NUP155: variants seen among roughly 807,000 people sequenced by gnomAD.
NUP155 encodes nucleoporin 155.
A neutral mutation model predicts 180.4 loss-of-function variants in NUP155; 71 were observed. The observed-to-expected ratio is 0.39, with a 90% confidence interval of 0.33 to 0.48. The LOEUF (loss-of-function observed/expected upper bound fraction) is 0.48. Among genes scored for constraint, NUP155 ranks in the 20% least tolerant of loss-of-function variants. The pLI, the probability that NUP155 is intolerant of heterozygous loss-of-function variation, is 0.91. For missense variants in NUP155, 1,553 were observed against 1,648.9 expected, an observed-to-expected ratio of 0.94 and a Z score of 1.01; for synonymous variants, 582 against 559.5, an observed-to-expected ratio of 1.04 and a Z score of -0.57.
intron 9 of NUP155, among the ~76,000 whole-genome samples, chr5:37,344,358 A>G (rs915025524): frequency 4.0e-5 from 6 of 150,186 alleles, no homozygotes; most frequent in African/African-American, 7.3e-5. Context: ...AAAAAAAAAA[A>G]AAAGAAAGAA....
chr5:37,341,738 C>T (rs1433940467), intron 10 of NUP155, among the ~76,000 whole-genome samples: 2 of 152,098 alleles, frequency 1.3e-5, no homozygotes, highest in Non-Finnish European at 2.9e-5. Context: ...GATGGGGTTT[C>T]ACCGTGTTAG....
intron 13 of NUP155, 47 bp downstream of exon 13, chr5:37,333,411 AATATT>A: frequency 6.6e-7 from 1 of 1,517,346 alleles, no homozygotes; most frequent in Non-Finnish European, 9.2e-7. Context: ...ACTTGACAAA[AATATT>A]ATACATCGCT....
chr5:37,371,001 T>A lies in NUP155; in HGVS notation c.-24A>T, dbSNP rs775111788. 6 of 1,612,000 alleles carry A rather than the reference T, an allele frequency of 3.7e-6. No homozygotes were observed. Among genetic ancestry groups the A allele is most frequent in the Non-Finnish European group, 5.1e-6 (6 of 1,179,204 alleles). On this transcript the variant is annotated 5_prime_UTR_variant, in exon 1 of 35. Coordinates refer to ENST00000231498, the MANE Select transcript of NUP155 (RefSeq NM_153485.3). ...ATCTCGGAAATCGTAGACACCAGGG[T>A]CCAGAAAAAGTCAAAAACCAAGGAG... is the stretch of plus-strand genomic sequence containing the variant.
chr5:37,357,064 G>A (rs931283123), intron 4 of NUP155, among the ~76,000 whole-genome samples: 10 of 151,964 alleles, frequency 6.6e-5, no homozygotes, highest in Non-Finnish European at 1.3e-4. Flanking sequence ...CGGAGATCAC[G>A]CCACTGCACT....
rs556030197 is a variant in NUP155 at position 37,295,193 on chromosome 5, C to T, written c.3794-728G>A. On this transcript the variant is annotated intron_variant, in intron 32 of 34. Transcript: ENST00000231498. ...TGCCGAGTGCCTGCGATTGCAGGTG[C>T]GCGCCGCCACGCCTGACTGGTTTTC... Among the ~76,000 whole-genome samples the T allele has an allele frequency of 4.3e-4, 66 of 152,250 alleles. No homozygotes were observed. In the East Asian group the frequency reaches 0.012, roughly 27 times the overall value.
intron 3 of NUP155, among the ~76,000 whole-genome samples, chr5:37,358,787 G>A (rs887070157): frequency 6.6e-6 from 1 of 152,156 alleles, no homozygotes; most frequent in Non-Finnish European, 1.5e-5. Flanking sequence ...GGGAGGCCGG[G>A]GTGGGCGAAT....
At chr5:37,370,670 A>G in intron 1 of NUP155, 151 bp downstream of exon 1, 1 of 1,599,812 alleles carries the variant, frequency 6.3e-7, no homozygotes, top group Non-Finnish European at 8.5e-7. Context: ...AAAAACCTGA[A>G]AAGAAGCTGC....
intron 15 of NUP155, 61 bp from the exon 16 acceptor site, chr5:37,329,339 G>A (rs1744810025): frequency 1.5e-6 from 2 of 1,339,790 alleles, no homozygotes; most frequent in Admixed American, 1.7e-5. Context: ...CTTAAAAACT[G>A]GAATTGTTCC....
intron 3 of NUP155, among the ~76,000 whole-genome samples, chr5:37,358,947 G>A (rs1449752650): frequency 1.3e-5 from 2 of 150,150 alleles, no homozygotes; most frequent in Non-Finnish European, 3.0e-5. Context: ...AACCCGGGAG[G>A]CAGAGTTGCA....
At chr5:37,298,000 G>A (rs1742678900) in intron 32 of NUP155, among the ~76,000 whole-genome samples, 1 of 151,768 alleles carries the variant, frequency 6.6e-6, no homozygotes, top group Admixed American at 6.6e-5. Context: ...CACCTTGGGA[G>A]GCCAAGGCAA....
intron 3 of NUP155, 90 bp from the exon 4 acceptor site, chr5:37,358,241 G>T: frequency 1.1e-6 from 1 of 903,366 alleles, no homozygotes; most frequent in East Asian, 2.5e-5. Flanking sequence ...TACTTTGGGA[G>T]TCTGAGGCAG....
In NUP155 at chr5:37,364,381, T is replaced by A. The variant is rs1188246259; in HGVS notation, c.161A>T (p.Asn54Ile). Reference protein sequence around the residue: ...SELLMVSAPNNPTVSGMSDMD... With the variant: ...SELLMVSAPNIPTVSGMSDMD... Reference sequence around the variant, plus strand: ...ATCTGACATGCCAGAAACGGTGGGATTATCTACAAAAAGAAAATGAAGTAT... The same window carrying A: ...ATCTGACATGCCAGAAACGGTGGGAATATCTACAAAAAGAAAATGAAGTAT... Residue 54 changes from asparagine (N) to isoleucine (I), a missense_variant, in exon 2 of 35, where the codon AAT (asparagine) becomes ATT (isoleucine). By Grantham distance (149) the Asn-to-Ile change is moderately radical (BLOSUM62 -3). Coordinates refer to ENST00000231498, the MANE Select transcript of NUP155 (RefSeq NM_153485.3). 3 of 1,612,092 alleles carry A rather than the reference T, an allele frequency of 1.9e-6. No individual in the cohort carries two copies. Among genetic ancestry groups the A allele is most frequent in the Non-Finnish European group, 2.5e-6 (3 of 1,178,208 alleles).
chr5:37,318,951 T>C lies in NUP155; in HGVS notation c.2208-866A>G, dbSNP rs186879361. On this transcript the variant is annotated intron_variant, in intron 20 of 34. Coordinates refer to ENST00000231498, the MANE Select transcript of NUP155 (RefSeq NM_153485.3). ...ACTTTGGGAAGAAAATGGTGCAAAA[T>C]GTATACGAAGATCTGAGAAATGGTC... Among the ~76,000 whole-genome samples the C allele has an allele frequency of 7.0e-3, 1,060 of 152,264 alleles. 10 individuals carry two copies. The highest frequency in any genetic ancestry group is 0.024 in the African/African-American group (996 of 41,542).
chr5:37,357,722 G>C (rs549963625), intron 4 of NUP155, among the ~76,000 whole-genome samples: 1 of 152,168 alleles, frequency 6.6e-6, no homozygotes, highest in Non-Finnish European at 1.5e-5. Flanking sequence ...AGCCAGGCGC[G>C]GTGGCTTACA....
Position 37,303,433 on chromosome 5 carries a change from T to C in NUP155, c.3163-19A>G. ...AAGCAACCTAGAAATTATATAGTTATTCAGAAAAATTTTCTAACCACCTAC... is the reference window on the plus strand; with the variant it reads ...AAGCAACCTAGAAATTATATAGTTACTCAGAAAAATTTTCTAACCACCTAC... On this transcript the variant is annotated intron_variant, in intron 27 of 34. Coordinates refer to ENST00000231498, the MANE Select transcript of NUP155 (RefSeq NM_153485.3). 1 of 1,610,868 alleles carries C rather than the reference T, an allele frequency of 6.2e-7. No homozygotes were observed. The highest frequency in any genetic ancestry group is 8.5e-7 in the Non-Finnish European group (1 of 1,177,712).
chr5:37,348,159 C>A (rs1009932137), intron 9 of NUP155, among the ~76,000 whole-genome samples: 3 of 151,926 alleles, frequency 2.0e-5, no homozygotes, highest in African/African-American at 7.3e-5. Flanking sequence ...TAAAAATTAG[C>A]CAGGCATGGT....
intron 4 of NUP155, among the ~76,000 whole-genome samples, chr5:37,353,564 A>AGAGT (rs1162152518): frequency 3.9e-5 from 6 of 152,194 alleles, no homozygotes; most frequent in African/African-American, 1.4e-4. Context: ...TCTGGACGAC[A>AGAGT]GAGTGAGACT....
At position 37,303,392 on chromosome 5, in the gene NUP155, G is replaced by A; in HGVS notation, c.3185C>T (p.Pro1062Leu). 6.2e-7 allele frequency: 1 copy of A among 1,614,024 alleles called. No individual in the cohort carries two copies. The highest frequency in any genetic ancestry group is 1.1e-5 in the South Asian group (1 of 91,070). The change falls in exon 28 of 35, where the codon CCA becomes CTA. Residue 1062 changes from proline to leucine, a missense_variant. By Grantham distance (98) the Pro-to-Leu change is moderately conservative. Coordinates refer to ENST00000231498, the MANE Select transcript of NUP155 (RefSeq NM_153485.3). The part of the protein sequence containing the change: ...LLQVASPFLE[P>L]HLVRMAKVDQ... ...AACTTTGGCCATTCGGACTAGATGT[G>A]GCTCCAGAAATGGAGAAGCAACCTA...
rs138548491 is a variant in NUP155, at chr5:37,303,391, T to G, written c.3186A>C (p.Pro1062=). 2.4e-5 allele frequency: 39 copies of G among 1,614,128 alleles called. No homozygotes were observed. Among genetic ancestry groups the G allele is most frequent in the Non-Finnish European group, 3.3e-5 (39 of 1,179,980 alleles). ...LLQVASPFLE[P]HLVRMAKVDQ... ...CAACTTTGGCCATTCGGACTAGATGTGGCTCCAGAAATGGAGAAGCAACCT... is the reference window on the plus strand; with the variant it reads ...CAACTTTGGCCATTCGGACTAGATGGGGCTCCAGAAATGGAGAAGCAACCT... Residue 1062 remains proline, a synonymous_variant, in exon 28 of 35, where the codon CCA becomes CCC. Coordinates refer to ENST00000231498, the MANE Select transcript of NUP155 (RefSeq NM_153485.3).
Sources: gnomAD v4.1 joint callset for allele counts (sites outside exome capture counted in the v4.1 genomes callset) on GRCh38, gnomAD v4.1.1 for gene constraint, MANE v1.5 for transcripts, NCBI Gene and HGNC (gene_info 2026-07-23, HGNC 2026-07-21) for gene names.